Variants in CEACAM4 observed in about 807,000 individuals in gnomAD.
The protein encoded by CEACAM4 is cell adhesion molecule CEACAM4.
In CEACAM4, 30 loss-of-function variants were observed where a neutral mutation model predicts 28.7. The observed-to-expected ratio is 1.05, with a 90% confidence interval of 0.78 to 1.42. CEACAM4 has a LOEUF of 1.42. Ranked by LOEUF, CEACAM4 falls within the 40% of genes most tolerant of loss-of-function variation. The pLI is 0.00. For synonymous variants in CEACAM4, 143 were observed against 126.5 expected (o/e 1.13, Z -0.87); for missense variants, 330 against 308.2 (o/e 1.07, Z -0.53).
At chr19:41,621,615 T>C (rs369353624) in intron 3 of CEACAM4, 36 bp downstream of exon 3, 61 of 1,231,652 alleles carry the variant, frequency 5.0e-5, no homozygotes, top group Non-Finnish European at 5.3e-5. Flanking sequence ...GGGGTCAGCC[T>C]AGGGGTGGGA....
chr19:41,625,269 C>T (rs949642659), intron 2 of CEACAM4, among the ~76,000 whole-genome samples: 2 of 152,168 alleles, frequency 1.3e-5, no homozygotes, highest in Non-Finnish European at 2.9e-5. Context: ...GTGAGGTTCC[C>T]AGGACGCCCT....
chr19:41,621,919 C>A (rs929501), intron 2 of CEACAM4, 151 bp from the exon 3 acceptor site: 3 of 591,122 alleles, frequency 5.1e-6, no homozygotes, highest in Non-Finnish European at 6.2e-6. Flanking sequence ...AGCTGACTCC[C>A]TTGCTCTCCA....
the CEACAM4 span, among the ~76,000 whole-genome samples, chr19:41,613,992 A>G: frequency 1.6e-4 from 24 of 152,260 alleles, no homozygotes; most frequent in Non-Finnish European, 3.2e-4. Context: ...TAGTTTTTAC[A>G]GCCCAAATAT....
In CEACAM4 at chr19:41,619,692, C is replaced by G. The variant is rs1013827718; in HGVS notation, c.647G>C (p.Arg216Thr). 1.3e-6 allele frequency: 2 copies of G among 1,591,624 alleles called. No homozygotes were observed. The highest frequency in any genetic ancestry group is 1.7e-5 in the Admixed American group (1 of 57,330). Residue 216 changes from arginine to threonine, a missense_variant, in exon 6 of 7, where the codon AGA (arginine) becomes ACA (threonine). Arg to Thr is a moderately conservative substitution (Grantham distance 71). Coordinates refer to ENST00000221954, the MANE Select transcript of CEACAM4 (RefSeq NM_001817.4). The stretch of plus-strand genomic sequence containing the variant: ...CACCTCATAGATGGGAGTGGCTGTT[C>G]TGGGGCTGGGTAGAGGGGCCTGGGC... ...STFSAPLPSP[R>T]TATPIYEELL...
At chr19:41,621,105 C>T (rs1555801270) in intron 3 of CEACAM4, among the ~76,000 whole-genome samples, 1 of 152,036 alleles carries the variant, frequency 6.6e-6, no homozygotes, top group African/African-American at 2.4e-5. Flanking sequence ...GGGGCAATGG[C>T]CTTGTCCTCT....
chr19:41,617,284 G>A (rs2070999004), downstream of CEACAM4, among the ~76,000 whole-genome samples: 1 of 152,198 alleles, frequency 6.6e-6, no homozygotes, highest in South Asian at 2.1e-4. Flanking sequence ...TAGGGGCATG[G>A]AGAGCCCTCC....
intron 4 of CEACAM4, 101 bp from the exon 5 acceptor site, chr19:41,620,343 G>A: frequency 8.7e-7 from 1 of 1,144,348 alleles, no homozygotes. Context: ...ATCAGGGAGA[G>A]GGAGCCTCTT....
Position 41,625,750 on chromosome 19 carries a change from C to T in CEACAM4, c.275G>A (p.Gly92Glu), listed in dbSNP as rs1600387828. Residue 92 changes from glycine to glutamate, a missense_variant, in exon 2 of 7, where the codon GGG (glycine) becomes GAG (glutamate). Physicochemically the swap from Gly to Glu is moderately conservative, Grantham distance 98. Transcript: ENST00000221954. Reference protein sequence around the residue: ...YITDIQANIPGAAYSGRETVY... With the variant: ...YITDIQANIPEAAYSGRETVY... ...TGTCTCTCGACCACTGTATGCGGCC[C>T]CTGGGATATTTGCTTGAATGTCTGT... 6.2e-7 allele frequency: 1 copy of T among 1,613,996 alleles called. No homozygotes were observed. The highest frequency in any genetic ancestry group is 8.5e-7 in the Non-Finnish European group (1 of 1,179,976).
chr19:41,624,549 C>T (rs1243231287), intron 2 of CEACAM4, among the ~76,000 whole-genome samples: 6 of 152,202 alleles, frequency 3.9e-5, no homozygotes, highest in African/African-American at 1.2e-4. Context: ...ACCAGAATCT[C>T]CCCCTCCGAG....
chr19:41,626,027 G>A, intron 1 of CEACAM4, 67 bp from the exon 2 acceptor site: 1 of 1,488,272 alleles, frequency 6.7e-7, no homozygotes, highest in Non-Finnish European at 9.1e-7. Flanking sequence ...ATAAGGCCCT[G>A]GGTCCTCAGC....
chr19:41,617,416 G>A (rs2071002413), downstream of CEACAM4, among the ~76,000 whole-genome samples: 1 of 152,176 alleles, frequency 6.6e-6, no homozygotes, highest in African/African-American at 2.4e-5. Context: ...TGAGAAGATG[G>A]CCTTGAGAGG....
rs1175358032 is a variant in CEACAM4, at chr19:41,626,895, C to T, written c.64+5G>A. On this transcript the variant is annotated splice_donor_5th_base_variant and intron_variant, in intron 1 of 6. Transcript: ENST00000221954. ...CCCACCACTCCCAGAGAGTCCTCCC[C>T]TCACCTGTGATCAGGAGCCCCTGCC... The T allele has an allele frequency of 1.2e-5, 20 of 1,611,304 alleles. No homozygotes were observed. Among genetic ancestry groups the T allele is most frequent in the Non-Finnish European group, 1.7e-5 (20 of 1,178,368 alleles).
chr19:41,621,533 G>A, intron 3 of CEACAM4, 118 bp downstream of exon 3: 1 of 608,314 alleles, frequency 1.6e-6, no homozygotes, highest in Non-Finnish European at 3.0e-6. Context: ...TGGAATGAGA[G>A]AGAAGGATTC....
chr19:41,624,932 G>A (rs558134214), intron 2 of CEACAM4, among the ~76,000 whole-genome samples: 1 of 152,262 alleles, frequency 6.6e-6, no homozygotes, highest in East Asian at 1.9e-4. Context: ...AAGCTGCCAG[G>A]AACATTTTCT....
In CEACAM4 at chr19:41,624,404, C is replaced by T. The variant is rs532852564; in HGVS notation, c.424+1197G>A. Among the ~76,000 whole-genome samples the T allele has an allele frequency of 5.0e-4, 76 of 152,290 alleles. No homozygotes were observed. In the South Asian group the frequency reaches 5.6e-3, roughly 11 times the overall value. ...CCACACATCAGAAAACACACGAAAC[C>T]ATTTCATGTCCAGAGATGCGGGGTG... On this transcript the variant is annotated intron_variant, in intron 2 of 6. Coordinates refer to ENST00000221954, the MANE Select transcript of CEACAM4 (RefSeq NM_001817.4).
downstream of CEACAM4, among the ~76,000 whole-genome samples, chr19:41,614,144 C>G (rs2070962830): frequency 6.6e-6 from 1 of 152,108 alleles, no homozygotes; most frequent in South Asian, 2.1e-4. Context: ...GATCTTTTAC[C>G]CACACCCCTG....
rs2071702590 is a variant in CEACAM4 at position 41,626,918 on chromosome 19, G to A, written c.46C>T (p.Gln16Ter). The change falls in exon 1 of 7, where the codon CAG (glutamine) becomes TAG (stop). Residue 16 changes from glutamine (Q) to a stop codon, truncating the protein, a stop_gained. Coordinates refer to ENST00000221954, the MANE Select transcript of CEACAM4 (RefSeq NM_001817.4). LOFTEE classifies it high-confidence loss of function. Reference sequence around the variant, plus strand: ...CCCTCACCTGTGATCAGGAGCCCCTGCCAGGGCCTGTGCCCTCCACGGGGA... The same window carrying A: ...CCCTCACCTGTGATCAGGAGCCCCTACCAGGGCCTGTGCCCTCCACGGGGA... ...AAPRGGHRPW[Q>*]GLLITASLLT... 2 of 1,609,574 alleles carry A rather than the reference G, an allele frequency of 1.2e-6. No individual in the cohort carries two copies. The highest frequency in any genetic ancestry group is 2.2e-5 in the South Asian group (2 of 90,844).
downstream of CEACAM4, among the ~76,000 whole-genome samples, chr19:41,618,753 G>T (rs770356889): frequency 2.0e-5 from 3 of 152,190 alleles, no homozygotes; most frequent in Non-Finnish European, 2.9e-5. Flanking sequence ...GACCCAGGCT[G>T]GGGCTGTGCA....
At chr19:41,623,216 C>G (rs1907210089) in intron 2 of CEACAM4, among the ~76,000 whole-genome samples, 1 of 152,082 alleles carries the variant, frequency 6.6e-6, no homozygotes, top group Non-Finnish European at 1.5e-5. Flanking sequence ...CGGGGTTTTG[C>G]CATGTTGGCC....
Sources: gnomAD v4.1 joint callset for allele counts (sites outside exome capture counted in the v4.1 genomes callset) on GRCh38, gnomAD v4.1.1 for gene constraint, MANE v1.5 for transcripts, NCBI Gene and HGNC (gene_info 2026-07-23, HGNC 2026-07-21) for gene names.